The following CADM1 variants were observed in gnomAD, a reference collection of about 807,000 sequenced individuals.
The protein encoded by CADM1 is TSLC-1.
CADM1 carries 15 observed loss-of-function variants against 53.1 expected under a neutral mutation model. The ratio of observed to expected loss-of-function variants is 0.28; its 90% CI spans 0.19 to 0.44. CADM1 has a LOEUF of 0.44. Among genes scored for constraint, CADM1 ranks in the 20% least tolerant of loss-of-function variants. The probability of loss-of-function intolerance (pLI) is 1.00; values close to 1 mark genes in which losing one functional copy is unlikely to be tolerated. For synonymous variants in CADM1, 281 were observed against 243.0 expected (o/e 1.16, Z -1.45); for missense variants, 434 against 611.3 (o/e 0.71, Z 3.06).
At chr11:115,239,120 C>A (rs1264740166) in intron 2 of CADM1, among the ~76,000 whole-genome samples, 1 of 152,016 alleles carries the variant, frequency 6.6e-6, no homozygotes, top group Non-Finnish European at 1.5e-5. Context: ...TAAAATGCCT[C>A]AAAAATTGTA....
At chr11:115,404,341 AAAAAAATAT>A (rs1476404830) in intron 1 of CADM1, among the ~76,000 whole-genome samples, 3 of 42,468 alleles carry the variant, frequency 7.1e-5, no homozygotes, top group Admixed American at 2.4e-4. Flanking sequence ...AAAAAAAAAA[AAAAAAATAT>A]ATATATATAT....
chr11:115,246,583 T>C (rs1317084896), intron 1 of CADM1, among the ~76,000 whole-genome samples: 1 of 152,206 alleles, frequency 6.6e-6, no homozygotes, highest in African/African-American at 2.4e-5. Flanking sequence ...TGAAATCATA[T>C]GACAAGCATG....
chr11:115,497,127 T>A (rs1483369046), intron 1 of CADM1, among the ~76,000 whole-genome samples: 1 of 152,208 alleles, frequency 6.6e-6, no homozygotes, highest in South Asian at 2.1e-4. Context: ...CAAGGAAGTC[T>A]GCCAAGAGCA....
At chr11:115,368,280 C>G (rs2135116586) in intron 1 of CADM1, among the ~76,000 whole-genome samples, 1 of 152,206 alleles carries the variant, frequency 6.6e-6, no homozygotes, top group African/African-American at 2.4e-5. Flanking sequence ...GGGTTGTGAT[C>G]TCCATAGCAA....
chr11:115,471,260 T>C (rs748228156), intron 1 of CADM1, among the ~76,000 whole-genome samples: 5 of 152,172 alleles, frequency 3.3e-5, no homozygotes, highest in Non-Finnish European at 7.4e-5. Flanking sequence ...GGACAGAACA[T>C]ACATACAGCA....
In CADM1 at chr11:115,426,236, T is replaced by A. The variant is rs535570173; in HGVS notation, c.124+78035A>T. Among the ~76,000 whole-genome samples the A allele has an allele frequency of 2.9e-4, 44 of 152,322 alleles. No individual in the cohort carries two copies. In the South Asian group the frequency reaches 8.9e-3, roughly 31 times the overall value. On this transcript the variant is annotated intron_variant, in intron 1 of 11. Transcript: ENST00000331581. ...TGCTAGAAAAATGTTATATCGCCTC[T>A]TGCCAGTGGGTTAAAATGATCTCTC...
intron 1 of CADM1, among the ~76,000 whole-genome samples, chr11:115,416,098 G>A (rs189344413): frequency 1.4e-4 from 21 of 152,308 alleles, no homozygotes; most frequent in Non-Finnish European, 3.1e-4. Flanking sequence ...CTGGCATGCA[G>A]TTTAAATACT....
intron 3 of CADM1, among the ~76,000 whole-genome samples, chr11:115,235,922 C>A (rs146498993): frequency 4.5e-4 from 69 of 152,194 alleles, no homozygotes; most frequent in African/African-American, 1.6e-3. Flanking sequence ...GAAACAAAAT[C>A]GTCACAAGTG....
At chr11:115,442,105 G>C (rs1948327493) in intron 1 of CADM1, among the ~76,000 whole-genome samples, 1 of 151,822 alleles carries the variant, frequency 6.6e-6, no homozygotes, top group South Asian at 2.1e-4. Flanking sequence ...TGTGCTAAGT[G>C]GTGGGAGAGA....
At position 115,381,364 on chromosome 11, in the gene CADM1, G is replaced by GC. The variant is rs772873395; in HGVS notation, c.124+122906_124+122907insG. Among the ~76,000 whole-genome samples the GC allele has an allele frequency of 2.5e-4, 38 of 151,514 alleles. No individual in the cohort carries two copies. The Middle Eastern group carries it at 0.014, about 56-fold the overall frequency. On this transcript the variant is annotated intron_variant, in intron 1 of 11. Coordinates refer to ENST00000331581, the MANE Select transcript of CADM1 (RefSeq NM_001301043.2). ...GCAAAATGCAATTCCAGAACAAGAT[G>GC]ACAAACTGTAAATACCATTCAGGGT...
At chr11:115,453,703 T>C (rs1948625192) in intron 1 of CADM1, among the ~76,000 whole-genome samples, 1 of 152,188 alleles carries the variant, frequency 6.6e-6, no homozygotes, top group South Asian at 2.1e-4. Flanking sequence ...TTTACCATGT[T>C]GGCCAGGCTG....
chr11:115,230,227 AGATTTCTATATCCT>A (rs957982404), intron 4 of CADM1, among the ~76,000 whole-genome samples: 1 of 152,206 alleles, frequency 6.6e-6, no homozygotes, highest in African/African-American at 2.4e-5. Context: ...TTCCAGATAT[AGATTTCTATATCCT>A]CTTTCTAAAA....
chr11:115,257,113 G>C (rs540099025), intron 1 of CADM1, among the ~76,000 whole-genome samples: 1 of 152,032 alleles, frequency 6.6e-6, no homozygotes, highest in Non-Finnish European at 1.5e-5. Flanking sequence ...TGTATAAGAT[G>C]CCAAAATCAA....
intron 1 of CADM1, among the ~76,000 whole-genome samples, chr11:115,361,663 C>G (rs971955526): frequency 1.3e-5 from 2 of 152,126 alleles, no homozygotes; most frequent in Non-Finnish European, 2.9e-5. Context: ...TAGGCATATG[C>G]ACACCCACAA....
chr11:115,228,049 A>C (rs1941679022), intron 5 of CADM1, among the ~76,000 whole-genome samples: 2 of 152,212 alleles, frequency 1.3e-5, no homozygotes, highest in Admixed American at 1.3e-4. Context: ...AGAAAAACAC[A>C]CAGACGAGAG....
In CADM1 at chr11:115,171,033, G is replaced by T. The variant is rs118081359; in HGVS notation, c.*5441C>A. 1 of 152,160 alleles carries T rather than the reference G, an allele frequency of 6.6e-6. No individual in the cohort carries two copies. Among genetic ancestry groups the T allele is most frequent in the South Asian group, 2.1e-4 (1 of 4,826 alleles). 9.4% of individuals were successfully genotyped at this position (152,160 alleles called of 1,614,324 possible). A position where few individuals can be genotyped will look rare whatever the true frequency, so the allele number is the denominator to read the frequency against. ...CTGATACTTGCTGGGTGACTACTGC[G>T]TGCCTGACAGGAACTTTAATATGGT... On this transcript the variant is annotated 3_prime_UTR_variant, in exon 12 of 12. Transcript: ENST00000331581.
chr11:115,500,243 T>G (rs1230325581), intron 1 of CADM1, among the ~76,000 whole-genome samples: 1 of 152,164 alleles, frequency 6.6e-6, no homozygotes, highest in Non-Finnish European at 1.5e-5. Context: ...ATAGCATTGA[T>G]TAGTTTGGCC....
intron 8 of CADM1, among the ~76,000 whole-genome samples, chr11:115,208,452 A>G (rs190664680): frequency 5.9e-5 from 9 of 152,254 alleles, no homozygotes; most frequent in East Asian, 1.9e-4. Flanking sequence ...TAGCATGTCA[A>G]TGAAAAGGAC....
chr11:115,427,867 C>T (rs370242719), intron 1 of CADM1, among the ~76,000 whole-genome samples: 8 of 151,700 alleles, frequency 5.3e-5, no homozygotes, highest in African/African-American at 1.9e-4. Context: ...CTTAGCCAGG[C>T]GTGGTGGCAC....
Sources: gnomAD v4.1 joint callset for allele counts (sites outside exome capture counted in the v4.1 genomes callset) on GRCh38, gnomAD v4.1.1 for gene constraint, MANE v1.5 for transcripts, NCBI Gene and HGNC (gene_info 2026-07-23, HGNC 2026-07-21) for gene names.